The following RPSA2 variants were observed in gnomAD, a reference collection of about 807,000 sequenced individuals.
The protein encoded by RPSA2 is small ribosomal subunit protein uS2B.
the RPSA2 span, among the ~76,000 whole-genome samples, chr19:23,804,788 G>A: frequency 1.3e-5 from 2 of 152,196 alleles, no homozygotes; most frequent in South Asian, 4.1e-4. Context: ...TTAGGTAAGT[G>A]GTTATAAGCC....
At chr19:23,815,019 G>T in the RPSA2 span, among the ~76,000 whole-genome samples, 1 of 152,052 alleles carries the variant, frequency 6.6e-6, no homozygotes, top group Non-Finnish European at 1.5e-5. Context: ...ATAATTCTTT[G>T]ATTATTTGTA....
At chr19:23,809,387 T>C in the RPSA2 span, 1 of 152,202 alleles carries the variant, frequency 6.6e-6, no homozygotes, top group African/African-American at 2.4e-5. Context: ...GGGTTGTGTT[T>C]TTCATTACTG....
At chr19:23,838,234 G>C in the RPSA2 span, among the ~76,000 whole-genome samples, 2 of 152,100 alleles carry the variant, frequency 1.3e-5, no homozygotes, top group African/African-American at 4.8e-5. Flanking sequence ...TGTTTATGTG[G>C]TGTATCATTT....
the RPSA2 span, among the ~76,000 whole-genome samples, chr19:23,823,177 T>C: frequency 2.7e-3 from 410 of 152,298 alleles, no homozygotes; most frequent in African/African-American, 9.6e-3. Flanking sequence ...CTTAATTCCA[T>C]AGTCCCCGAA....
the RPSA2 span, among the ~76,000 whole-genome samples, chr19:23,761,021 A>T: frequency 1.8e-5 from 2 of 113,318 alleles, no homozygotes; most frequent in African/African-American, 6.6e-5. Context: ...GTGTGTATAT[A>T]TATATACACA....
the RPSA2 span, among the ~76,000 whole-genome samples, chr19:23,811,024 T>G: frequency 6.6e-6 from 1 of 150,856 alleles, no homozygotes; most frequent in Non-Finnish European, 1.5e-5. Flanking sequence ...TTTTTTTTTT[T>G]GAGACGGAGT....
chr19:23,790,861 C>T, the RPSA2 span: 6 of 517,340 alleles, frequency 1.2e-5, no homozygotes, highest in South Asian at 2.8e-5. Flanking sequence ...CAGGCCTCCC[C>T]GCAGTCAGCT....
At chr19:23,858,070 G>A in the RPSA2 span, among the ~76,000 whole-genome samples, 148,663 of 151,970 alleles carry the variant, frequency 0.98, 72,806 homozygotes, top group Middle Eastern at 1. Flanking sequence ...TTTGTGCATG[G>A]GAAAGACTCT....
chr19:23,827,397 C>T, the RPSA2 span: 2 of 1,463,620 alleles, frequency 1.4e-6, no homozygotes, highest in Non-Finnish European at 1.9e-6. Context: ...GTTATATCCT[C>T]CAGGAATACT....
chr19:23,869,627 C>T, the RPSA2 span, among the ~76,000 whole-genome samples: 1 of 152,130 alleles, frequency 6.6e-6, no homozygotes, highest in Admixed American at 6.5e-5. Flanking sequence ...GCTTTGAATA[C>T]TCCTTCTTTA....
the RPSA2 span, among the ~76,000 whole-genome samples, chr19:23,859,398 G>T: frequency 6.6e-6 from 1 of 152,098 alleles, no homozygotes; most frequent in African/African-American, 2.4e-5. Flanking sequence ...GGAGGCTGTG[G>T]TGGGCGAATC....
At chr19:23,761,901 A>ATCCCTCCCTTCCTTCCTTCCTTCCTTCC in the RPSA2 span, among the ~76,000 whole-genome samples, 1 of 34,016 alleles carries the variant, frequency 2.9e-5, no homozygotes, top group African/African-American at 9.6e-5. Flanking sequence ...GGGTAACGTA[A>ATCCCTCCCTTCCTTCCTTCCTTCCTTCC]TTCTTTCTTT....
At chr19:23,794,033 A>G in the RPSA2 span, among the ~76,000 whole-genome samples, 2 of 152,140 alleles carry the variant, frequency 1.3e-5, no homozygotes, top group African/African-American at 4.8e-5. Context: ...TGGCCTCTCA[A>G]AGTGCTGGGA....
the RPSA2 span, among the ~76,000 whole-genome samples, chr19:23,793,944 C>A: frequency 6.6e-6 from 1 of 151,970 alleles, no homozygotes; most frequent in Non-Finnish European, 1.5e-5. Context: ...TTTTTCTTTT[C>A]GTATTTTTTT....
chr19:23,849,008 C>G, the RPSA2 span, among the ~76,000 whole-genome samples: 1 of 152,148 alleles, frequency 6.6e-6, no homozygotes, highest in Non-Finnish European at 1.5e-5. Context: ...GGGAAGATTC[C>G]CAAGGTCTGG....
At chr19:23,792,626 C>T in the RPSA2 span, among the ~76,000 whole-genome samples, 1 of 149,944 alleles carries the variant, frequency 6.7e-6, no homozygotes, top group Non-Finnish European at 1.5e-5. Flanking sequence ...GCTCTGTCAC[C>T]CAGGCAGCCT....
the RPSA2 span, among the ~76,000 whole-genome samples, chr19:23,839,538 T>A: frequency 6.6e-6 from 1 of 152,176 alleles, no homozygotes; most frequent in African/African-American, 2.4e-5. Flanking sequence ...TGTTTCTCAG[T>A]GTGGTAAAAT....
At chr19:23,808,951 C>G in the RPSA2 span, 1 of 263,774 alleles carries the variant, frequency 3.8e-6, no homozygotes. Flanking sequence ...AAAAATTATA[C>G]TCTCACGTAG....
At chr19:23,806,784 C>CAAAA in the RPSA2 span, among the ~76,000 whole-genome samples, 68 of 71,346 alleles carry the variant, frequency 9.5e-4, no homozygotes, top group Non-Finnish European at 1.3e-3. Context: ...GACTGAGTCT[C>CAAAA]AAAAAAAAAA....
Sources: allele counts gnomAD v4.1 joint callset (sites outside exome capture counted in the v4.1 genomes callset), GRCh38; gene constraint gnomAD v4.1.1; transcripts MANE v1.5; gene names NCBI Gene and HGNC (gene_info 2026-07-23, HGNC 2026-07-21).